AK7: variants seen among roughly 807,000 people sequenced by gnomAD.
AK7 encodes ATP-AMP transphosphorylase 7.
A neutral mutation model predicts 96.6 loss-of-function variants in AK7; 78 were observed. The ratio of observed to expected loss-of-function variants is 0.81; its 90% CI spans 0.67 to 0.97. AK7 has a LOEUF of 0.97. AK7 is among the 50% of genes least tolerant of loss of function. The probability of loss-of-function intolerance (pLI) is 0.00; values close to 1 mark genes in which losing one functional copy is unlikely to be tolerated. For missense variants in AK7, 855 were observed against 887.9 expected (o/e 0.96, Z 0.47); for synonymous variants, 302 against 317.2 (o/e 0.95, Z 0.51).
intron 3 of AK7, among the ~76,000 whole-genome samples, chr14:96,405,576 A>G (rs1890665568): frequency 6.6e-6 from 1 of 152,170 alleles, no homozygotes; most frequent in Non-Finnish European, 1.5e-5. Context: ...ACAAAGACAG[A>G]TAAGAAAAGG....
chr14:96,478,558 A>G lies in AK7; in HGVS notation c.1649A>G (p.Gln550Arg). 1 of 1,614,218 alleles carries G rather than the reference A, an allele frequency of 6.2e-7. No individual in the cohort carries two copies. Among genetic ancestry groups the G allele is most frequent in the South Asian group, 1.1e-5 (1 of 91,080 alleles). The change falls in exon 15 of 18, where the codon CAA (glutamine) becomes CGA (arginine). Residue 550 changes from glutamine (Q) to arginine (R), a missense_variant. Coordinates refer to ENST00000267584, the MANE Select transcript of AK7 (RefSeq NM_152327.5). The part of the protein sequence containing the change: ...ESIVAGTHYS[Q>R]DRFLRALSNY... ...ATCGTGGCGGGGACCCACTACAGCC[A>G]AGACCGATTCCTCCGGGCTCTGAGC...
At chr14:96,443,413 C>G (rs1353980556) in intron 7 of AK7, among the ~76,000 whole-genome samples, 1 of 152,198 alleles carries the variant, frequency 6.6e-6, no homozygotes, top group Non-Finnish European at 1.5e-5. Context: ...CATTCTGTCA[C>G]CCCTGTGGCA....
At chr14:96,427,636 G>A (rs985984705) in intron 5 of AK7, among the ~76,000 whole-genome samples, 1 of 152,122 alleles carries the variant, frequency 6.6e-6, no homozygotes, top group African/African-American at 2.4e-5. Context: ...TAACCTTCTT[G>A]TACTTGGATT....
chr14:96,472,885 C>T, intron 14 of AK7, 130 bp downstream of exon 14: 1 of 617,920 alleles, frequency 1.6e-6, no homozygotes, highest in Non-Finnish European at 2.9e-6. Context: ...AGTTCAAGAC[C>T]AGCCTGGCCA....
chr14:96,459,113 G>A (rs572237687), intron 12 of AK7, among the ~76,000 whole-genome samples: 16 of 152,112 alleles, frequency 1.1e-4, no homozygotes, highest in Admixed American at 6.6e-4. Flanking sequence ...CAAGTTGGGC[G>A]GATCACCTGA....
intron 14 of AK7, among the ~76,000 whole-genome samples, chr14:96,473,674 AAT>A (rs1895027677): frequency 6.6e-6 from 1 of 152,172 alleles, no homozygotes; most frequent in Non-Finnish European, 1.5e-5. Context: ...AGGAATATTA[AAT>A]TGCTGAAATG....
At chr14:96,425,085 G>A (rs1290758163) in intron 5 of AK7, among the ~76,000 whole-genome samples, 3 of 151,918 alleles carry the variant, frequency 2.0e-5, no homozygotes, top group Admixed American at 6.6e-5. Flanking sequence ...GATTGATTTG[G>A]CCAATTTGGT....
intron 12 of AK7, among the ~76,000 whole-genome samples, chr14:96,469,899 C>T (rs915270359): frequency 6.6e-6 from 1 of 152,050 alleles, no homozygotes; most frequent in Admixed American, 6.6e-5. Context: ...CTCACTGCAA[C>T]CTCCGCCTCC....
intron 5 of AK7, among the ~76,000 whole-genome samples, chr14:96,428,689 T>G (rs563248510): frequency 2.0e-5 from 3 of 152,354 alleles, no homozygotes; most frequent in African/African-American, 7.2e-5. Flanking sequence ...ATTGTGGTTT[T>G]GATTTGCATT....
chr14:96,426,088 CTTCT>C (rs924939347), intron 5 of AK7, among the ~76,000 whole-genome samples: 21 of 152,162 alleles, frequency 1.4e-4, no homozygotes, highest in African/African-American at 4.8e-4. Flanking sequence ...TCTTATCTTC[CTTCT>C]TTCTTTCCTT....
chr14:96,429,322 T>C (rs1056183725), intron 5 of AK7, among the ~76,000 whole-genome samples: 3 of 152,206 alleles, frequency 2.0e-5, no homozygotes, highest in African/African-American at 7.2e-5. Context: ...TTGGTCTATA[T>C]ATCTGTTTTG....
chr14:96,477,912 G>C (rs552328318), intron 14 of AK7, among the ~76,000 whole-genome samples: 17 of 152,184 alleles, frequency 1.1e-4, no homozygotes, highest in Admixed American at 1.1e-3. Flanking sequence ...GCCAGGAGCC[G>C]TGGCTTATCC....
In AK7 at chr14:96,456,119, G is replaced by A. The variant is rs537030396; in HGVS notation, c.1099-228G>A. ...CTGGGCATGGTGGTGCGCACATGTA[G>A]TCTCAGCTACTCGGGAGGCTGAGGC... On this transcript the variant is annotated intron_variant, in intron 10 of 17. Transcript: ENST00000267584. Among the ~76,000 whole-genome samples, 4 of 151,556 alleles carry A rather than the reference G, an allele frequency of 2.6e-5. 1 individual carries two copies. The South Asian group carries it at 8.3e-4, about 32-fold the overall frequency.
chr14:96,411,532 A>G (rs1302274947), intron 4 of AK7, among the ~76,000 whole-genome samples: 1 of 152,094 alleles, frequency 6.6e-6, no homozygotes, highest in East Asian at 1.9e-4. Context: ...TAAATAAATA[A>G]AGGAAAAATT....
chr14:96,469,691 G>C (rs989850573), intron 12 of AK7, among the ~76,000 whole-genome samples: 5 of 152,132 alleles, frequency 3.3e-5, no homozygotes, highest in African/African-American at 1.2e-4. Flanking sequence ...TAATACTTAA[G>C]ATCTTTTTTT....
Position 96,483,187 on chromosome 14 carries a change from A to G in AK7, c.1942A>G (p.Met648Val). The part of the protein sequence containing the change: ...AEREHQEAVE[M>V]AEKIARWEEW... The stretch of plus-strand genomic sequence containing the variant: ...ACGCGAGCACCAGGAGGCCGTGGAG[A>G]TGGCAGAGAAGATAGCTCGCTGGGA... The change falls in exon 16 of 18, where the codon ATG becomes GTG. Residue 648 changes from methionine to valine, a missense_variant. Met to Val is a conservative substitution (Grantham distance 21). Coordinates refer to ENST00000267584, the MANE Select transcript of AK7 (RefSeq NM_152327.5). 4 of 1,611,048 alleles carry G rather than the reference A, an allele frequency of 2.5e-6. No individual in the cohort carries two copies. The highest frequency in any genetic ancestry group is 2.5e-6 in the Non-Finnish European group (3 of 1,178,708).
chr14:96,403,887 G>T (rs1890552695), intron 2 of AK7, among the ~76,000 whole-genome samples: 1 of 152,118 alleles, frequency 6.6e-6, no homozygotes, highest in South Asian at 2.1e-4. Flanking sequence ...ATTCACGCCT[G>T]TAATCCCAAC....
intron 12 of AK7, among the ~76,000 whole-genome samples, chr14:96,459,715 A>G (rs924088739): frequency 1.1e-4 from 16 of 151,746 alleles, no homozygotes; most frequent in African/African-American, 3.9e-4. Flanking sequence ...CGTCTCTACT[A>G]AAACTACAAA....
At chr14:96,482,927 A>G (rs1315526941) in intron 15 of AK7, 72 bp from the exon 16 acceptor site, 1 of 1,450,178 alleles carries the variant, frequency 6.9e-7, no homozygotes, top group East Asian at 2.3e-5. Flanking sequence ...GTTTATAGTA[A>G]TAAAGAATTT....
Sources: allele counts gnomAD v4.1 joint callset (sites outside exome capture counted in the v4.1 genomes callset), GRCh38; gene constraint gnomAD v4.1.1; transcripts MANE v1.5; gene names NCBI Gene and HGNC (gene_info 2026-07-23, HGNC 2026-07-21).